PLD5: variants seen among roughly 807,000 people sequenced by gnomAD.
PLD5 encodes inactive phospholipase D5.
A neutral mutation model predicts 61.1 loss-of-function variants in PLD5; 36 were observed. That is an observed-to-expected ratio of 0.59 (90% CI 0.45 to 0.78). The LOEUF (loss-of-function observed/expected upper bound fraction) is 0.78, where lower values mean the gene tolerates loss of function less well. PLD5 is among the 30% of genes least tolerant of loss of function. The pLI is 0.00. For synonymous variants in PLD5, 243 were observed against 242.8 expected, an observed-to-expected ratio of 1.00 and a Z score of -0.01; for missense variants, 515 against 644.4, an observed-to-expected ratio of 0.80 and a Z score of 2.17.
intron 5 of PLD5, among the ~76,000 whole-genome samples, chr1:242,136,239 T>C (rs998976414): frequency 6.6e-6 from 1 of 152,198 alleles, no homozygotes; most frequent in African/African-American, 2.4e-5. Context: ...CTCAACCTCA[T>C]TCTCCTATGG....
chr1:242,435,629 T>TAAA (rs1380983252), intron 1 of PLD5, among the ~76,000 whole-genome samples: 18 of 152,214 alleles, frequency 1.2e-4, no homozygotes, highest in African/African-American at 4.3e-4. Flanking sequence ...GAAACACACA[T>TAAA]AAAACAAGGT....
chr1:242,385,548 A>AT (rs1572028986), intron 1 of PLD5, among the ~76,000 whole-genome samples: 1 of 152,150 alleles, frequency 6.6e-6, no homozygotes. Context: ...CATGATTGCG[A>AT]TGGCTCCCTA....
At chr1:242,193,734 G>C (rs1228840382) in intron 5 of PLD5, among the ~76,000 whole-genome samples, 4 of 152,144 alleles carry the variant, frequency 2.6e-5, no homozygotes, top group Non-Finnish European at 4.4e-5. Flanking sequence ...CATGTCCTTG[G>C]GCTGGCCATT....
chr1:242,121,699 C>G (rs1365542430), intron 6 of PLD5, among the ~76,000 whole-genome samples: 4 of 152,000 alleles, frequency 2.6e-5, no homozygotes, highest in African/African-American at 9.7e-5. Flanking sequence ...CCCAAATGTC[C>G]ATCAATGATA....
chr1:242,234,640 G>C (rs912732369), intron 4 of PLD5, among the ~76,000 whole-genome samples: 1 of 151,980 alleles, frequency 6.6e-6, no homozygotes, highest in Non-Finnish European at 1.5e-5. Context: ...CACCTGCTGG[G>C]AATTTATTGA....
intron 1 of PLD5, among the ~76,000 whole-genome samples, chr1:242,490,227 T>C (rs917795530): frequency 7.9e-5 from 12 of 152,338 alleles, no homozygotes; most frequent in Non-Finnish European, 1.6e-4. Flanking sequence ...CTGGTGATTT[T>C]CCACCATCTG....
chr1:242,463,769 T>TA (rs1258442757), intron 1 of PLD5, among the ~76,000 whole-genome samples: 5 of 75,558 alleles, frequency 6.6e-5, no homozygotes, highest in African/African-American at 4.0e-4. Flanking sequence ...CCCTCTTCTA[T>TA]GAAAAAAAAA....
chr1:242,481,571 C>A (rs931480102), intron 1 of PLD5, among the ~76,000 whole-genome samples: 1 of 152,370 alleles, frequency 6.6e-6, no homozygotes, highest in African/African-American at 2.4e-5. Context: ...GAAGCTCGAA[C>A]TGGGTGGAGC....
chr1:242,162,388 A>T (rs184647459), intron 5 of PLD5, among the ~76,000 whole-genome samples: 2 of 152,322 alleles, frequency 1.3e-5, no homozygotes, highest in Admixed American at 6.5e-5. Context: ...TCAGTTGAAA[A>T]GCCACTAGGC....
intron 2 of PLD5, among the ~76,000 whole-genome samples, chr1:242,313,656 CCTT>C (rs1209461176): frequency 1.3e-5 from 2 of 152,208 alleles, no homozygotes; most frequent in Non-Finnish European, 2.9e-5. Context: ...TTGTGTGCCT[CCTT>C]CATTTCCCAC....
At chr1:242,529,729 G>A in the PLD5 span, among the ~76,000 whole-genome samples, 2 of 151,604 alleles carry the variant, frequency 1.3e-5, no homozygotes, top group African/African-American at 2.4e-5. Flanking sequence ...GTGAGGTCGA[G>A]GGTCCCAATT....
At chr1:242,342,171 G>C (rs1659871811) in intron 2 of PLD5, among the ~76,000 whole-genome samples, 1 of 152,220 alleles carries the variant, frequency 6.6e-6, no homozygotes, top group African/African-American at 2.4e-5. Context: ...GACTGGTTCT[G>C]TGTGTATTTA....
chr1:242,275,222 T>A lies in PLD5; in HGVS notation c.496-9774A>T, dbSNP rs531619665. On this transcript the variant is annotated intron_variant, in intron 3 of 9. Transcript: ENST00000536534. ...AGCAATATACTAGCATTGATTTTTT[T>A]TTTAATTTATGACCTAAGAGGAAAG... Among the ~76,000 whole-genome samples the A allele has an allele frequency of 2.1e-3, 320 of 152,220 alleles. 2 individuals carry two copies. Among genetic ancestry groups the A allele is most frequent in the African/African-American group, 6.4e-3 (265 of 41,554 alleles).
At position 242,418,211 on chromosome 1, in the gene PLD5, A is replaced by C. The variant is rs142443909; in HGVS notation, c.190-69969T>G. 6.0e-4 allele frequency among the ~76,000 whole-genome samples: 91 copies of C among 152,216 alleles called. 1 individual carries two copies. In the East Asian group the frequency reaches 0.016, roughly 27 times the overall value. ...GACAAACAGAGTCAAGAAAAACCCT[A>C]AGGTTTTTAGCCTGAGCAACTGGAA... On this transcript the variant is annotated intron_variant, in intron 1 of 9. Transcript: ENST00000536534.
chr1:242,379,115 A>G (rs914536428), intron 1 of PLD5, among the ~76,000 whole-genome samples: 4 of 152,152 alleles, frequency 2.6e-5, no homozygotes, highest in Non-Finnish European at 4.4e-5. Context: ...CTAGCTTAAT[A>G]TATCTGTCCA....
At chr1:242,493,859 A>C (rs980621682) in intron 1 of PLD5, among the ~76,000 whole-genome samples, 11 of 152,170 alleles carry the variant, frequency 7.2e-5, no homozygotes, top group African/African-American at 2.4e-4. Context: ...AATATGCACA[A>C]CCGCTTTCTT....
At chr1:242,170,993 A>C (rs1666710140) in intron 5 of PLD5, among the ~76,000 whole-genome samples, 1 of 152,226 alleles carries the variant, frequency 6.6e-6, no homozygotes, top group African/African-American at 2.4e-5. Flanking sequence ...AGAACTTCCC[A>C]ACCTAGCAAG....
At chr1:242,451,382 A>G (rs1666770368) in intron 1 of PLD5, among the ~76,000 whole-genome samples, 1 of 151,862 alleles carries the variant, frequency 6.6e-6, no homozygotes, top group South Asian at 2.1e-4. Context: ...CTTGGATGCC[A>G]CTGGTTATTT....
intron 4 of PLD5, among the ~76,000 whole-genome samples, chr1:242,228,334 T>A (rs1452827328): frequency 6.6e-6 from 1 of 152,202 alleles, no homozygotes; most frequent in African/African-American, 2.4e-5. Context: ...ATGTGCAGCG[T>A]ATACATGCAT....
Sources: allele counts gnomAD v4.1 joint callset (sites outside exome capture counted in the v4.1 genomes callset), GRCh38; gene constraint gnomAD v4.1.1; transcripts MANE v1.5; gene names NCBI Gene and HGNC (gene_info 2026-07-23, HGNC 2026-07-21).